TRPM1: variants seen among roughly 807,000 people sequenced by gnomAD.
The protein encoded by TRPM1 is TRPM1-203 APA Isoform, Intron 10.
TRPM1 carries 113 observed loss-of-function variants against 149.4 expected under a neutral mutation model. The ratio of observed to expected loss-of-function variants is 0.76; its 90% CI spans 0.65 to 0.88. TRPM1 has a LOEUF of 0.88. Among genes scored for constraint, TRPM1 ranks in the 40% least tolerant of loss-of-function variants. The pLI, the probability that TRPM1 is intolerant of heterozygous loss-of-function variation, is 0.00. For missense variants in TRPM1, 1,976 were observed against 2,038.7 expected (o/e 0.97, Z 0.59); for synonymous variants, 741 against 759.5 (o/e 0.98, Z 0.40).
intron 3 of TRPM1, chr15:31,070,481 T>G (rs557552524): frequency 7.2e-6 from 5 of 691,008 alleles, no homozygotes; most frequent in Non-Finnish European, 1.3e-5. Context: ...TTCAACTTTT[T>G]GATGTCTTGA....
Position 31,040,083 on chromosome 15 carries a change from T to C in TRPM1, c.2316+35A>G, listed in dbSNP as rs761635881. 25 of 1,594,502 alleles carry C rather than the reference T, an allele frequency of 1.6e-5. No homozygotes were observed. Among genetic ancestry groups the C allele is most frequent in the Non-Finnish European group, 2.6e-6 (3 of 1,162,484 alleles). On this transcript the variant is annotated intron_variant, in intron 18 of 27. Coordinates refer to ENST00000256552, the MANE Select transcript of TRPM1 (RefSeq NM_001252024.2). This position sits in a 1 kb window ranked among gnomAD's most constrained non-coding sequence, Gnocchi z 4.2. Reference sequence around the variant, plus strand: ...CCTGGCAGAGAGTCACTTGTCACTGTCACCCTGGCCCGCCTCGCAGCACGT... The same window carrying C: ...CCTGGCAGAGAGTCACTTGTCACTGCCACCCTGGCCCGCCTCGCAGCACGT...
rs373514978 is a variant in TRPM1 at position 31,113,390 on chromosome 15, A to C, written c.55-36406T>G. On this transcript the variant is annotated intron_variant, in intron 1 of 26. Coordinates refer to the TRPM1 transcript ENST00000542188. ...TGTCACAACCAACGGGGTTCTCCAA[A>C]GGGTCACCTATGCATACAGAATTCA... is the stretch of plus-strand genomic sequence containing the variant. Among the ~76,000 whole-genome samples, 126 of 151,738 alleles carry C rather than the reference A, an allele frequency of 8.3e-4. 1 individual carries two copies. The highest frequency in any genetic ancestry group is 3.0e-3 in the African/African-American group (125 of 41,332).
At chr15:31,080,739 T>C (rs1051269372) in intron 2 of TRPM1, among the ~76,000 whole-genome samples, 19 of 98,594 alleles carry the variant, frequency 1.9e-4, no homozygotes, top group Non-Finnish European at 3.5e-4. Context: ...CCCCGCTCCC[T>C]CTCATAGTCC....
At chr15:31,034,768 C>CT (rs919710974) in intron 21 of TRPM1, among the ~76,000 whole-genome samples, 3 of 152,248 alleles carry the variant, frequency 2.0e-5, no homozygotes, top group African/African-American at 7.2e-5. Flanking sequence ...TCCCAAATAA[C>CT]TAAGCCAAAA....
At chr15:31,107,158 GA>G (rs2035618161) in intron 1 of TRPM1, among the ~76,000 whole-genome samples, 1 of 152,210 alleles carries the variant, frequency 6.6e-6, no homozygotes, top group African/African-American at 2.4e-5. Context: ...AAGTTTGGTA[GA>G]ATTTACCAGT....
At chr15:31,047,395 C>T in intron 14 of TRPM1, 144 bp from the exon 15 acceptor site, 1 of 888,712 alleles carries the variant, frequency 1.1e-6, no homozygotes, top group Non-Finnish European at 1.8e-6. Context: ...AAACAATATT[C>T]AGGCTGGGGA....
chr15:31,011,413 T>C, intron 27 of TRPM1, among the ~76,000 whole-genome samples: 1 of 152,122 alleles, frequency 6.6e-6, no homozygotes, highest in East Asian at 1.9e-4. Flanking sequence ...TCATTTTAAT[T>C]CACTTAGTAT....
At chr15:31,115,215 G>A (rs191415733) in intron 1 of TRPM1, among the ~76,000 whole-genome samples, 102 of 152,216 alleles carry the variant, frequency 6.7e-4, no homozygotes, top group Non-Finnish European at 1.0e-3. Flanking sequence ...CCAAGATCGC[G>A]CCACTGCATT....
intron 1 of TRPM1, 66 bp from the exon 2 acceptor site, chr15:31,081,504 G>T: frequency 2.9e-6 from 3 of 1,041,086 alleles, no homozygotes; most frequent in South Asian, 1.5e-5. Flanking sequence ...GAAGCAAGAT[G>T]AACAAATCCT....
At chr15:31,111,183 C>T (rs1010030241) in intron 1 of TRPM1, among the ~76,000 whole-genome samples, 1 of 152,132 alleles carries the variant, frequency 6.6e-6, no homozygotes, top group African/African-American at 2.4e-5. Flanking sequence ...CTGGAGCTTC[C>T]GGAAATTCCT....
rs116660732 is a variant in TRPM1, at chr15:31,119,736, A to G, written c.54+41170T>C. Among the ~76,000 whole-genome samples the G allele has an allele frequency of 7.6e-3, 1,158 of 152,320 alleles. 19 individuals are homozygous for G. The highest frequency in any genetic ancestry group is 0.026 in the African/African-American group (1,099 of 41,570). ...ATGTTATAAGGAACAGGAGTGTAAAATTGGAAATACTCTGCCATAAACTAC... is the reference window on the plus strand; with the variant it reads ...ATGTTATAAGGAACAGGAGTGTAAAGTTGGAAATACTCTGCCATAAACTAC... On this transcript the variant is annotated intron_variant, in intron 1 of 26. Coordinates refer to the TRPM1 transcript ENST00000542188.
intron 1 of TRPM1, among the ~76,000 whole-genome samples, chr15:31,099,932 G>A (rs1320732976): frequency 3.3e-5 from 5 of 152,050 alleles, no homozygotes; most frequent in Non-Finnish European, 7.4e-5. Context: ...AGAGAGGCAG[G>A]GCTCCGTTCT....
chr15:31,011,635 A>G (rs147719893), intron 27 of TRPM1, among the ~76,000 whole-genome samples: 1 of 148,962 alleles, frequency 6.7e-6, no homozygotes, highest in Admixed American at 6.7e-5. Flanking sequence ...ATCTTAATTT[A>G]TAACAGTCTA....
upstream of TRPM1, among the ~76,000 whole-genome samples, chr15:31,105,826 G>A (rs1377758602): frequency 6.6e-6 from 1 of 152,194 alleles, no homozygotes; most frequent in Non-Finnish European, 1.5e-5. Flanking sequence ...GGGGAACACA[G>A]TATCCGAGGA....
rs535268969 is a variant in TRPM1 at position 31,130,642 on chromosome 15, C to A, written c.54+30264G>T. Reference sequence around the variant, plus strand: ...ATGAGTGCTTGAGATATTTTGTAGACCCTGCATTCTGATGCACCAGCTGAT... The same window carrying A: ...ATGAGTGCTTGAGATATTTTGTAGAACCTGCATTCTGATGCACCAGCTGAT... On this transcript the variant is annotated intron_variant, in intron 1 of 26. Transcript: ENST00000542188. Among the ~76,000 whole-genome samples, 5 of 152,238 alleles carry A rather than the reference C, an allele frequency of 3.3e-5. No individual in the cohort carries two copies. In the South Asian group the frequency reaches 1.0e-3, roughly 32 times the overall value.
intron 3 of TRPM1, among the ~76,000 whole-genome samples, chr15:31,071,738 T>C (rs1207831479): frequency 6.6e-6 from 1 of 151,872 alleles, no homozygotes. Flanking sequence ...CCGTGGCATG[T>C]GGATCACTTG....
Position 31,047,218 on chromosome 15 carries a change from T to G in TRPM1, c.1657A>C (p.Ile553Leu). Residue 553 changes from isoleucine to leucine, a missense_variant, in exon 15 of 28, where the codon ATA (isoleucine) becomes CTA (leucine). Around this residue, in one of 3 missense-constraint regions of TRPM1, gnomAD observed 1,332 missense variants for 1,347.1 expected, o/e 0.99. Transcript: ENST00000256552. ...NLPPDYHISL[I>L]DIGLVLEYLM... ...TACTCCAGCACGAGCCCGATGTCTA[T>G]GAGGCTGATGTGGTAATCAGGCGGA... The G allele has an allele frequency of 6.2e-7, 1 of 1,614,212 alleles. No individual in the cohort carries two copies. The highest frequency in any genetic ancestry group is 1.7e-5 in the Admixed American group (1 of 60,030).
chr15:31,099,408 C>A (rs1002656435), intron 1 of TRPM1, among the ~76,000 whole-genome samples: 4 of 152,094 alleles, frequency 2.6e-5, no homozygotes, highest in Non-Finnish European at 4.4e-5. Flanking sequence ...CCCAGACACA[C>A]ACACATACAC....
intron 1 of TRPM1, among the ~76,000 whole-genome samples, chr15:31,150,983 C>T (rs927076746): frequency 5.9e-5 from 9 of 152,288 alleles, no homozygotes; most frequent in African/African-American, 1.7e-4. Context: ...ACCCGAAATT[C>T]ACACCCTATG....
Sources: allele counts gnomAD v4.1 joint callset (sites outside exome capture counted in the v4.1 genomes callset), GRCh38; gene constraint gnomAD v4.1.1; regional missense constraint gnomAD v4.1.1; non-coding constraint Gnocchi (gnomAD v3.1); transcripts MANE v1.5; gene names NCBI Gene and HGNC (gene_info 2026-07-23, HGNC 2026-07-21).